Variants in TCIRG1 observed in about 807,000 individuals in gnomAD.
The protein encoded by TCIRG1 is T cell immune regulator 1, ATPase H+ transporting V0 subunit a3, also known as V-type proton ATPase 116 kDa subunit a 3.
TCIRG1 carries 86 observed loss-of-function variants against 95.5 expected under a neutral mutation model. That is an observed-to-expected ratio of 0.90 (90% confidence interval 0.76 to 1.08). The LOEUF is 1.08. Ranked by LOEUF, TCIRG1 falls within the 50% of genes least tolerant of loss-of-function variation. The probability of loss-of-function intolerance (pLI) is 0.00; values close to 1 mark genes in which losing one functional copy is unlikely to be tolerated. For missense variants in TCIRG1, 1,069 were observed against 1,140.2 expected, an observed-to-expected ratio of 0.94 and a Z score of 0.90; for synonymous variants, 499 against 501.3, an observed-to-expected ratio of 1.00 and a Z score of 0.06.
At chr11:68,043,975 G>A in intron 8 of TCIRG1, 68 bp downstream of exon 8, 1 of 1,389,080 alleles carries the variant, frequency 7.2e-7, no homozygotes, top group South Asian at 1.2e-5. Context: ...GGAGGTGGGT[G>A]CAGGAGGTGG....
chr11:68,053,753 T>C (rs866781569), downstream of TCIRG1: 2 of 477,938 alleles, frequency 4.2e-6, no homozygotes, highest in Admixed American at 3.8e-5. Flanking sequence ...TGTTGCACTA[T>C]TGCACTATAT....
At chr11:68,043,128 G>A in intron 5 of TCIRG1, 97 bp downstream of exon 5, 1 of 1,543,304 alleles carries the variant, frequency 6.5e-7, no homozygotes, top group South Asian at 1.2e-5. Context: ...CTTGTCCAGT[G>A]CTCTCCCCAG....
At position 68,049,469 on chromosome 11, in the gene TCIRG1, A is replaced by G. The variant is rs2075609; in HGVS notation, c.1887+175A>G. ...ATCTTTAGCAGGTGGCACAACTGGC[A>G]CTGGGAACCGGGGGTCCCTTCCCTC... On this transcript the variant is annotated intron_variant, in intron 15 of 19. Transcript: ENST00000265686. 271,190 of 980,062 alleles carry G rather than the reference A, an allele frequency of 0.28. 39,353 individuals are homozygous for G. The highest frequency in any genetic ancestry group is 0.44 in the African/African-American group (27,094 of 61,476). The allele number at this position is 980,062 out of a possible 1,614,324, so 60.7% of individuals were successfully genotyped here.
chr11:68,045,237 C>A, intron 10 of TCIRG1, 135 bp downstream of exon 10: 3 of 1,112,230 alleles, frequency 2.7e-6, no homozygotes, highest in Non-Finnish European at 3.9e-6. Flanking sequence ...CATCCCATCA[C>A]TCTCAAGGGG....
chr11:68,047,547 C>A lies in TCIRG1; in HGVS notation c.1280C>A (p.Pro427Gln), dbSNP rs200633409. 1.2e-6 allele frequency: 2 copies of A among 1,613,652 alleles called. No individual in the cohort carries two copies. The highest frequency in any genetic ancestry group is 2.7e-5 in the African/African-American group (2 of 74,876). Residue 427 changes from proline to glutamine, a missense_variant, in exon 11 of 20, where the codon CCG becomes CAG. Physicochemically the swap from Pro to Gln is moderately conservative, Grantham distance 76. Coordinates refer to ENST00000265686, the MANE Select transcript of TCIRG1 (RefSeq NM_006019.4). ...ALAMVLAENRPAVKAAQNEIW... is the reference protein window; with the variant it reads ...ALAMVLAENRQAVKAAQNEIW... ...GCCATGGTCCTTGCGGAGAACCGAC[C>A]GGCTGTGAAGGCCGCGCAGAACGAG...
In TCIRG1 at chr11:68,047,763, G is replaced by C; in HGVS notation, c.1422G>C (p.Ser474=). The C allele has an allele frequency of 6.2e-7, 1 of 1,613,106 alleles. No homozygotes were observed. Among genetic ancestry groups the C allele is most frequent in the Non-Finnish European group, 8.5e-7 (1 of 1,179,960 alleles). ...CFSRATSIFP[S]GWSVAAMANQ... ...GTCGCGCCACCAGCATCTTCCCCTC[G>C]GGCTGGAGTGTGGCCGCCATGGCCA... The change falls in exon 12 of 20, where the codon TCG becomes TCC. Residue 474 remains serine (S), a synonymous_variant. Coordinates refer to ENST00000265686, the MANE Select transcript of TCIRG1 (RefSeq NM_006019.4).
Position 68,050,186 on chromosome 11 carries a change from T to A in TCIRG1, c.2168T>A (p.Phe723Tyr). Residue 723 changes from phenylalanine (F) to tyrosine (Y), a missense_variant, in exon 18 of 20, where the codon TTC (phenylalanine) becomes TAC (tyrosine). Transcript: ENST00000265686. ...LMHQAIHTIEFCLGCVSNTAS... is the reference protein window; with the variant it reads ...LMHQAIHTIEYCLGCVSNTAS... The stretch of plus-strand genomic sequence containing the variant: ...CACCAGGCCATCCACACCATCGAGT[T>A]CTGCCTGGGCTGCGTCTCCAACACC... 1 of 1,613,726 alleles carries A rather than the reference T, an allele frequency of 6.2e-7. No individual in the cohort carries two copies. Among genetic ancestry groups the A allele is most frequent in the Non-Finnish European group, 8.5e-7 (1 of 1,179,938 alleles).
At position 68,047,736 on chromosome 11, in the gene TCIRG1, C is replaced by T. The variant is rs148287141; in HGVS notation, c.1395C>T (p.Phe465=). ...CCGGCTTCATCTACAACGAGTGCTT[C>T]AGTCGCGCCACCAGCATCTTCCCCT... ...IYTGFIYNEC[F]SRATSIFPSG... Residue 465 remains phenylalanine, a synonymous_variant, in exon 12 of 20, where the codon TTC becomes TTT. Coordinates refer to ENST00000265686, the MANE Select transcript of TCIRG1 (RefSeq NM_006019.4). The T allele has an allele frequency of 6.2e-7, 1 of 1,613,310 alleles. No homozygotes were observed.
intron 15 of TCIRG1, 138 bp downstream of exon 15, chr11:68,049,432 G>A: frequency 9.6e-7 from 1 of 1,036,602 alleles, no homozygotes; most frequent in Non-Finnish European, 1.4e-6. Context: ...GCCGTCAGAG[G>A]TGATGGTGTG....
At position 68,043,165 on chromosome 11, in the gene TCIRG1, C is replaced by T. The variant is rs559475683; in HGVS notation, c.503+134C>T. 513 of 1,520,868 alleles carry T rather than the reference C, an allele frequency of 3.4e-4. 8 individuals are homozygous for T. In the South Asian group the frequency reaches 5.5e-3, roughly 16 times the overall value. 94.2% of individuals were successfully genotyped at this position (1,520,868 alleles called of 1,614,324 possible). ...CTGGCCCCGCCTCCTCCTTCAGGCC[C>T]GGAACTTCCCACAGTCCCAAGCCCT... On this transcript the variant is annotated intron_variant, in intron 5 of 19. Coordinates refer to ENST00000265686, the MANE Select transcript of TCIRG1 (RefSeq NM_006019.4).
At position 68,047,929 on chromosome 11, in the gene TCIRG1, T is replaced by A. The variant is rs1855591352; in HGVS notation, c.1511T>A (p.Val504Asp). Residue 504 changes from valine to aspartate, a missense_variant, in exon 13 of 20, where the codon GTC (valine) becomes GAC (aspartate). Val to Asp is a radical substitution (Grantham distance 152). Transcript: ENST00000265686. ...QHTMLTLDPNVTGVFLGPYPF... is the reference protein window; with the variant it reads ...QHTMLTLDPNDTGVFLGPYPF... ...ACGATGCTTACCCTGGATCCCAACGTCACCGGTGTCTTCCTGGGACCCTAC... is the reference window on the plus strand; with the variant it reads ...ACGATGCTTACCCTGGATCCCAACGACACCGGTGTCTTCCTGGGACCCTAC... 1 of 1,613,806 alleles carries A rather than the reference T, an allele frequency of 6.2e-7. No homozygotes were observed. Among genetic ancestry groups the A allele is most frequent in the Non-Finnish European group, 8.5e-7 (1 of 1,180,020 alleles).
chr11:68,048,488 T>C (rs942355080), intron 13 of TCIRG1, among the ~76,000 whole-genome samples: 1 of 152,152 alleles, frequency 6.6e-6, no homozygotes, highest in Non-Finnish European at 1.5e-5. Context: ...GAGACAGGGT[T>C]TCACCATGTT....
intron 10 of TCIRG1, among the ~76,000 whole-genome samples, chr11:68,047,171 C>T (rs1855532705): frequency 6.7e-6 from 1 of 149,604 alleles, no homozygotes; most frequent in South Asian, 2.1e-4. Context: ...CCACCATGCC[C>T]AGCTAATTTT....
In TCIRG1 at chr11:68,049,168, A is replaced by G. The variant is rs2134460494; in HGVS notation, c.1761A>G (p.Leu587=). ...GACTCTTCGGTTACCTCGTGTTCCT[A>G]GTCATCTACAAGTGGCTGTGTGTCT... is the stretch of plus-strand genomic sequence containing the variant. ...LLGLFGYLVF[L]VIYKWLCVWA... is the part of the protein sequence containing the mutation. Residue 587 remains leucine (L), a synonymous_variant, in exon 15 of 20, where the codon CTA becomes CTG. Transcript: ENST00000265686. 6.2e-7 allele frequency: 1 copy of G among 1,613,976 alleles called. No individual in the cohort carries two copies. The highest frequency in any genetic ancestry group is 8.5e-7 in the Non-Finnish European group (1 of 1,179,996).
chr11:68,045,225 C>A, intron 10 of TCIRG1, 123 bp downstream of exon 10: 1 of 1,196,284 alleles, frequency 8.4e-7, no homozygotes, highest in Non-Finnish European at 1.2e-6. Context: ...ATGAGGGGCA[C>A]ACATCCCATC....
intron 13 of TCIRG1, 151 bp from the exon 14 acceptor site, chr11:68,048,728 G>A (rs972475993): frequency 9.4e-6 from 7 of 747,040 alleles, no homozygotes; most frequent in South Asian, 7.0e-5. Context: ...GCCCATCTGC[G>A]CTCTGTTGCC....
intron 9 of TCIRG1, 115 bp from the exon 10 acceptor site, chr11:68,044,843 G>T (rs1214953651): frequency 2.2e-6 from 3 of 1,342,392 alleles, no homozygotes; most frequent in African/African-American, 1.4e-5. Context: ...GAGGGGAAGG[G>T]GCTGCCCAGT....
chr11:68,041,426 C>T, intron 2 of TCIRG1, 38 bp downstream of exon 2: 1 of 1,448,550 alleles, frequency 6.9e-7, no homozygotes, highest in Non-Finnish European at 9.7e-7. Flanking sequence ...GGGGCTACTG[C>T]CAAGGTTAGC....
intron 8 of TCIRG1, 35 bp from the exon 9 acceptor site, chr11:68,044,097 T>C (rs557173660): frequency 1.3e-6 from 2 of 1,535,126 alleles, no homozygotes; most frequent in African/African-American, 2.7e-5. Context: ...CCCACCTGCC[T>C]GCCCAGCCCC....
Sources: gnomAD v4.1 joint callset for allele counts (sites outside exome capture counted in the v4.1 genomes callset) on GRCh38, gnomAD v4.1.1 for gene constraint, MANE v1.5 for transcripts, NCBI Gene and HGNC (gene_info 2026-07-23, HGNC 2026-07-21) for gene names.